RCOR1: variants seen among roughly 807,000 people sequenced by gnomAD.
RCOR1 encodes REST corepressor.
Under a neutral mutation model 64.0 loss-of-function variants are expected in RCOR1, and 12 were observed. The observed-to-expected ratio is 0.19, with a 90% CI of 0.12 to 0.30. The LOEUF is 0.30. Ranked by LOEUF, RCOR1 falls within the 10% of genes least tolerant of loss-of-function variation. The pLI is 1.00. For missense variants in RCOR1, 502 were observed against 621.2 expected (o/e 0.81, Z 2.04); for synonymous variants, 279 against 227.2 (o/e 1.23, Z -2.05).
chr14:102,592,865 C>A lies in RCOR1; in HGVS notation c.-22C>A. On this transcript the variant is annotated 5_prime_UTR_variant, in exon 1 of 12. Coordinates refer to ENST00000262241, the MANE Select transcript of RCOR1 (RefSeq NM_015156.4). ...AGGAGCCGCGGGTCCCCGCCACTTT[C>A]GCACGGCCCCGGCCCCCGCCGATGC... 1 of 1,184,572 alleles carries A rather than the reference C, an allele frequency of 8.4e-7. No homozygotes were observed. The highest frequency in any genetic ancestry group is 3.8e-5 in the South Asian group (1 of 26,462). The allele number at this position is 1,184,572 out of a possible 1,614,324, so 73.4% of individuals were successfully genotyped here. A position where few individuals can be genotyped will look rare whatever the true frequency, so the allele number is the denominator to read the frequency against.
Position 102,592,840 on chromosome 14 carries a change from A to G in RCOR1, c.-47A>G. 1 of 1,169,764 alleles carries G rather than the reference A, an allele frequency of 8.5e-7. No homozygotes were observed. Among genetic ancestry groups the G allele is most frequent in the African/African-American group, 1.7e-5 (1 of 59,784 alleles). The allele number at this position is 1,169,764 out of a possible 1,614,324, so 72.5% of individuals were successfully genotyped here. On this transcript the variant is annotated 5_prime_UTR_variant, in exon 1 of 12. Coordinates refer to ENST00000262241, the MANE Select transcript of RCOR1 (RefSeq NM_015156.4). Reference sequence around the variant, plus strand: ...TCCCCCGTCTCGGCGCCCCCTCCTCAGGAGCCGCGGGTCCCCGCCACTTTC... The same window carrying G: ...TCCCCCGTCTCGGCGCCCCCTCCTCGGGAGCCGCGGGTCCCCGCCACTTTC...
At chr14:102,624,753 G>A (rs913082420) in intron 2 of RCOR1, among the ~76,000 whole-genome samples, 1 of 151,362 alleles carries the variant, frequency 6.6e-6, no homozygotes, top group African/African-American at 2.4e-5. Flanking sequence ...GTGATAGGAC[G>A]AGACCCTGTC....
At chr14:102,645,686 G>A (rs1894463682) in intron 2 of RCOR1, among the ~76,000 whole-genome samples, 2 of 152,170 alleles carry the variant, frequency 1.3e-5, no homozygotes, top group African/African-American at 2.4e-5. Flanking sequence ...TAGTCTTGCT[G>A]CCTGAAAAAT....
chr14:102,728,377 C>T lies in RCOR1; in HGVS notation c.*1871C>T, dbSNP rs988015005. The T allele has an allele frequency of 2.6e-5, 4 of 152,142 alleles. No individual in the cohort carries two copies. The highest frequency in any genetic ancestry group is 9.7e-5 in the African/African-American group (4 of 41,416). The allele number at this position is 152,142 out of a possible 1,614,324, so 9.4% of individuals were successfully genotyped here. A position where few individuals can be genotyped will look rare whatever the true frequency, so the allele number is the denominator to read the frequency against. On this transcript the variant is annotated 3_prime_UTR_variant, in exon 12 of 12. Coordinates refer to ENST00000262241, the MANE Select transcript of RCOR1 (RefSeq NM_015156.4). ...TAGTGATGAGGGAGAGGCTTCTTTT[C>T]ACCATAAGCCTGCTGTGTACACCGA...
At chr14:102,672,067 A>G (rs191243259) in intron 2 of RCOR1, among the ~76,000 whole-genome samples, 133 of 152,284 alleles carry the variant, frequency 8.7e-4, no homozygotes, top group African/African-American at 3.2e-3. Flanking sequence ...TTTTTTATTC[A>G]ATCGGTTGAT....
chr14:102,657,551 T>TG (rs1372402644), intron 2 of RCOR1: 1 of 983,288 alleles, frequency 1.0e-6, no homozygotes, highest in Non-Finnish European at 1.2e-6. Context: ...ATCTGATGAT[T>TG]GACTGACTGG....
chr14:102,605,627 T>A (rs1893491008), intron 2 of RCOR1, among the ~76,000 whole-genome samples: 1 of 152,222 alleles, frequency 6.6e-6, no homozygotes, highest in South Asian at 2.1e-4. Context: ...TAGTACATAG[T>A]ACTTGGTAAT....
chr14:102,634,614 A>G (rs1281578272), intron 2 of RCOR1, among the ~76,000 whole-genome samples: 1 of 146,200 alleles, frequency 6.8e-6, no homozygotes. Context: ...GTGTGTGTGT[A>G]TGTATGTGTG....
intron 2 of RCOR1, among the ~76,000 whole-genome samples, chr14:102,614,293 C>G (rs887160869): frequency 4.1e-5 from 6 of 147,626 alleles, no homozygotes; most frequent in Admixed American, 2.8e-4. Context: ...GGCGCCATCT[C>G]GGCTCACTGC....
At chr14:102,651,120 G>C in intron 2 of RCOR1, 1 of 980,560 alleles carries the variant, frequency 1.0e-6, no homozygotes, top group Non-Finnish European at 1.2e-6. Context: ...TTGGTGCTGA[G>C]ACCAGCTCGG....
chr14:102,658,284 A>G (rs531915476), intron 2 of RCOR1, among the ~76,000 whole-genome samples: 1 of 152,054 alleles, frequency 6.6e-6, no homozygotes, highest in African/African-American at 2.4e-5. Context: ...CTTCTTTTTA[A>G]AAAAGGTTTT....
At chr14:102,630,468 A>G (rs558417001) in intron 2 of RCOR1, among the ~76,000 whole-genome samples, 6 of 152,340 alleles carry the variant, frequency 3.9e-5, no homozygotes, top group African/African-American at 1.4e-4. Flanking sequence ...AATCATATAC[A>G]TACTTATAGA....
At chr14:102,602,513 C>T (rs1022739227) in intron 2 of RCOR1, among the ~76,000 whole-genome samples, 2 of 151,274 alleles carry the variant, frequency 1.3e-5, no homozygotes, top group African/African-American at 4.9e-5. Flanking sequence ...AAGTGATTGT[C>T]CTGCCTCAGC....
chr14:102,593,291 C>A lies in RCOR1; in HGVS notation c.327C>A (p.Pro109=), dbSNP rs1303191592. 6 of 1,549,260 alleles carry A rather than the reference C, an allele frequency of 3.9e-6. No homozygotes were observed. The highest frequency in any genetic ancestry group is 2.8e-5 in the African/African-American group (2 of 70,182). ...GTGGCGGTGGCATGAGGGTCGGACCCCAGTACCAGGCGGTGGTGCCCGACT... is the reference window on the plus strand; with the variant it reads ...GTGGCGGTGGCATGAGGGTCGGACCACAGTACCAGGCGGTGGTGCCCGACT... ...EHGGGGMRVG[P]QYQAVVPDFD... The change falls in exon 2 of 12, where the codon CCC becomes CCA. Residue 109 remains proline (P), a synonymous_variant. Coordinates refer to ENST00000262241, the MANE Select transcript of RCOR1 (RefSeq NM_015156.4).
chr14:102,675,704 G>A (rs1410849793), intron 2 of RCOR1, among the ~76,000 whole-genome samples: 1 of 152,198 alleles, frequency 6.6e-6, no homozygotes, highest in Non-Finnish European at 1.5e-5. Context: ...GGCACCACTG[G>A]AGTTTCATAT....
At position 102,642,692 on chromosome 14, in the gene RCOR1, C is replaced by G. The variant is rs1034701488; in HGVS notation, c.362-39203C>G. ...CTCTATAAAAATTATAAAAATAAGC[C>G]GGGTATGGTGGCACATGCCTATGGT... On this transcript the variant is annotated intron_variant, in intron 2 of 11. Coordinates refer to ENST00000262241, the MANE Select transcript of RCOR1 (RefSeq NM_015156.4). 2.6e-5 allele frequency among the ~76,000 whole-genome samples: 4 copies of G among 151,902 alleles called. No individual in the cohort carries two copies. In the East Asian group the frequency reaches 7.7e-4, roughly 29 times the overall value.
rs1361970731 is a variant in RCOR1, at chr14:102,653,960, TTTCTTTCTTTCTTTCTTTCTTTC to T, written c.362-27932_362-27910del. Among the ~76,000 whole-genome samples the T allele has an allele frequency of 5.1e-3, 281 of 55,624 alleles. 12 individuals are homozygous for T. The highest frequency in any genetic ancestry group is 7.1e-3 in the Non-Finnish European group (223 of 31,242). 36.5% of individuals were successfully genotyped at this position (55,624 alleles called of 152,430 possible). A position where few individuals can be genotyped will look rare whatever the true frequency, so the allele number is the denominator to read the frequency against. ...CTTTCTTTCTTTCTTTCTTTCTTTCTTTCTTTCTTTCTTTCTTTCTTTCTTTTTTTTTTTTTTTTTTTTGAGAC... is the reference window on the plus strand; with the variant it reads ...CTTTCTTTCTTTCTTTCTTTCTTTCTTTTTTTTTTTTTTTTTTTTTGAGAC... On this transcript the variant is annotated intron_variant, in intron 2 of 11. Transcript: ENST00000262241.
intron 2 of RCOR1, among the ~76,000 whole-genome samples, chr14:102,639,222 A>G (rs576171781): frequency 6.6e-6 from 1 of 151,322 alleles, no homozygotes; most frequent in African/African-American, 2.4e-5. Flanking sequence ...AGTTGTATAA[A>G]TTCCTTCTAG....
At chr14:102,655,480 GT>G in intron 2 of RCOR1, 3 of 980,486 alleles carry the variant, frequency 3.1e-6, no homozygotes, top group South Asian at 4.7e-5. Flanking sequence ...ATTTTCCTAT[GT>G]TTTTTATAGT....
Sources: allele counts gnomAD v4.1 joint callset (sites outside exome capture counted in the v4.1 genomes callset), GRCh38; gene constraint gnomAD v4.1.1; transcripts MANE v1.5; gene names NCBI Gene and HGNC (gene_info 2026-07-23, HGNC 2026-07-21).